Variants in EDEM1 observed in about 807,000 individuals in gnomAD.
EDEM1 encodes ER degradation-enhancing alpha-mannosidase-like protein 1.
In EDEM1, 67 loss-of-function variants were observed where a neutral mutation model predicts 74.4. That is an observed-to-expected ratio of 0.90 (90% CI 0.74 to 1.10). The LOEUF (loss-of-function observed/expected upper bound fraction) is 1.10. Among genes scored for constraint, EDEM1 ranks in the 50% least tolerant of loss-of-function variants. EDEM1 has a pLI of 0.00. For missense variants in EDEM1, 926 were observed against 851.6 expected (o/e 1.09, Z -1.09); for synonymous variants, 382 against 335.9 (o/e 1.14, Z -1.50).
intron 1 of EDEM1, chr3:5,189,277 A>G (rs962171951): frequency 6.6e-6 from 1 of 152,140 alleles, no homozygotes; most frequent in African/African-American, 2.4e-5. Context: ...TGGGGCAAGC[A>G]TTTTCCTTCA....
In EDEM1 at chr3:5,219,775, A is replaced by G. The variant is rs2106616821; in HGVS notation, c.*3857A>G. On this transcript the variant is annotated 3_prime_UTR_variant, in exon 12 of 12. Transcript: ENST00000256497. The stretch of plus-strand genomic sequence containing the variant: ...CAAATGCTTCTCTGTAATGTGCAAT[A>G]TGCTTTGCAACTGTAGATGATATTT... 6.5e-6 allele frequency: 1 copy of G among 152,796 alleles called. No homozygotes were observed. Among genetic ancestry groups the G allele is most frequent in the South Asian group, 2.1e-4 (1 of 4,832 alleles). 9.5% of individuals were successfully genotyped at this position (152,796 alleles called of 1,614,324 possible). A position where few individuals can be genotyped will look rare whatever the true frequency, so the allele number is the denominator to read the frequency against.
intron 2 of EDEM1, among the ~76,000 whole-genome samples, chr3:5,198,147 A>G (rs914024336): frequency 6.6e-6 from 1 of 152,024 alleles, no homozygotes; most frequent in African/African-American, 2.4e-5. Flanking sequence ...CCAGGGGTTC[A>G]AGCAGTTCTT....
At position 5,194,686 on chromosome 3, in the gene EDEM1, A is replaced by C. The variant is rs538243215; in HGVS notation, c.510-523A>C. ...CCTTTGGATGAGTTATTAATGAAGA[A>C]ATGGTGTAAAGAAGTTAATTTATAC... is the stretch of plus-strand genomic sequence containing the variant. On this transcript the variant is annotated intron_variant, in intron 1 of 11. Coordinates refer to ENST00000256497, the MANE Select transcript of EDEM1 (RefSeq NM_014674.3). Among the ~76,000 whole-genome samples the C allele has an allele frequency of 3.9e-5, 6 of 152,336 alleles. No homozygotes were observed. The East Asian group carries it at 1.2e-3, about 29-fold the overall frequency.
intron 1 of EDEM1, among the ~76,000 whole-genome samples, chr3:5,194,779 A>G (rs150853621): frequency 6.6e-6 from 1 of 152,350 alleles, no homozygotes; most frequent in East Asian, 1.9e-4. Flanking sequence ...TTTTGTGTGT[A>G]ATATAGGCTG....
Position 5,195,527 on chromosome 3 carries a change from A to AT in EDEM1, c.582+255dup, listed in dbSNP as rs200647749. ...ATGTACGATTGATTTTAGGGAACCT[A>AT]TTTTTTTTTAACCAGTTTCTATCTT... On this transcript the variant is annotated intron_variant, in intron 2 of 11. Coordinates refer to ENST00000256497, the MANE Select transcript of EDEM1 (RefSeq NM_014674.3). Among the ~76,000 whole-genome samples, 213 of 151,650 alleles carry AT rather than the reference A, an allele frequency of 1.4e-3. 1 individual carries two copies. The highest frequency in any genetic ancestry group is 4.9e-3 in the African/African-American group (202 of 41,378).
intron 11 of EDEM1, 22 bp from the exon 12 acceptor site, chr3:5,215,807 T>C (rs756475326): frequency 5.0e-6 from 8 of 1,605,128 alleles, no homozygotes; most frequent in South Asian, 4.4e-5. Flanking sequence ...TTTTTAATTT[T>C]CCCTCGTTTT....
At chr3:5,195,725 TCCCTAGAAA>T in intron 2 of EDEM1, among the ~76,000 whole-genome samples, 1 of 152,340 alleles carries the variant, frequency 6.6e-6, no homozygotes, top group African/African-American at 2.4e-5. Flanking sequence ...TATGTGGGGC[TCCCTAGAAA>T]CCCTTCTCTT....
chr3:5,190,451 C>T (rs1340143099), intron 1 of EDEM1, among the ~76,000 whole-genome samples: 7 of 152,148 alleles, frequency 4.6e-5, no homozygotes, highest in Non-Finnish European at 1.5e-5. Flanking sequence ...ACCTTAAAAG[C>T]GCTTCTGGAG....
chr3:5,205,596 G>A (rs2055086554), intron 6 of EDEM1, among the ~76,000 whole-genome samples: 1 of 152,208 alleles, frequency 6.6e-6, no homozygotes, highest in African/African-American at 2.4e-5. Flanking sequence ...AATGGTGCTG[G>A]GAGATCCCCT....
At chr3:5,210,321 C>T in intron 9 of EDEM1, 73 bp downstream of exon 9, 2 of 1,387,018 alleles carry the variant, frequency 1.4e-6, no homozygotes, top group South Asian at 2.4e-5. Context: ...GGGGAAATAT[C>T]CTAGTTTGCA....
At chr3:5,206,826 C>T (rs1275659718) in intron 6 of EDEM1, among the ~76,000 whole-genome samples, 4 of 152,178 alleles carry the variant, frequency 2.6e-5, no homozygotes, top group African/African-American at 4.8e-5. Context: ...AGGTGAAATC[C>T]AGCATAGGCC....
chr3:5,207,990 CTAA>C, intron 7 of EDEM1, 100 bp from the exon 8 acceptor site: 1 of 1,389,624 alleles, frequency 7.2e-7, no homozygotes, highest in Admixed American at 2.5e-5. Context: ...TGTAGGTCAA[CTAA>C]GAACTCGGGG....
In EDEM1 at chr3:5,218,844, C is replaced by CATTTTTTTAA. The variant is rs914698044; in HGVS notation, c.*2935_*2944dup. On this transcript the variant is annotated 3_prime_UTR_variant, in exon 12 of 12. Transcript: ENST00000256497. ...AGCTTCTGTATTCAAATCTTTCCTT[C>CATTTTTTTAA]ATTTTTTTAAATTTTTTTTTTGGCA... 7 of 152,168 alleles carry CATTTTTTTAA rather than the reference C, an allele frequency of 4.6e-5. No individual in the cohort carries two copies. The highest frequency in any genetic ancestry group is 1.7e-4 in the African/African-American group (7 of 41,438). 9.4% of individuals were successfully genotyped at this position (152,168 alleles called of 1,614,324 possible).
At chr3:5,196,935 CT>C (rs547304238) in intron 2 of EDEM1, among the ~76,000 whole-genome samples, 291 of 138,298 alleles carry the variant, frequency 2.1e-3, no homozygotes, top group Non-Finnish European at 2.1e-3. Flanking sequence ...CTTTTCTTTT[CT>C]TTTTTTTTTT....
chr3:5,208,344 A>T, intron 8 of EDEM1, 81 bp downstream of exon 8: 1 of 1,518,092 alleles, frequency 6.6e-7, no homozygotes, highest in Non-Finnish European at 8.9e-7. Flanking sequence ...ACATTTGCTG[A>T]GTGATTTAGG....
In EDEM1 at chr3:5,201,757, C is replaced by G; in HGVS notation, c.691C>G (p.Leu231Val). Residue 231 changes from leucine (L) to valine (V), a missense_variant, in exon 4 of 12, where the codon CTG becomes GTG. Transcript: ENST00000256497. ...VQVFEATIRV[L>V]GSLLSAHRII... is the part of the protein sequence containing the mutation. ...TTTTGTTCTTCCTGTCATTAGGGTC[C>G]TGGGAAGCCTCCTTTCTGCTCACAG... 1 of 1,614,084 alleles carries G rather than the reference C, an allele frequency of 6.2e-7. No homozygotes were observed. Among genetic ancestry groups the G allele is most frequent in the Non-Finnish European group, 8.5e-7 (1 of 1,180,018 alleles).
intron 6 of EDEM1, 133 bp downstream of exon 6, chr3:5,205,374 T>G (rs1245609773): frequency 2.2e-6 from 2 of 897,760 alleles, no homozygotes; most frequent in East Asian, 2.6e-5. Context: ...TCTCCTAGTT[T>G]GTCAGTCATC....
At chr3:5,207,389 A>G in intron 7 of EDEM1, 116 bp downstream of exon 7, 1 of 1,420,188 alleles carries the variant, frequency 7.0e-7, no homozygotes, top group Non-Finnish European at 9.5e-7. Flanking sequence ...TTGGGAGGTC[A>G]CTGACACTAT....
intron 1 of EDEM1, 153 bp downstream of exon 1, chr3:5,188,467 C>T (rs1189787172): frequency 3.6e-6 from 3 of 841,592 alleles, no homozygotes; most frequent in Non-Finnish European, 4.8e-6. Context: ...GTGTGAGTCC[C>T]TGTGAAGACC....
Sources: gnomAD v4.1 joint callset for allele counts (sites outside exome capture counted in the v4.1 genomes callset) on GRCh38, gnomAD v4.1.1 for gene constraint, MANE v1.5 for transcripts, NCBI Gene and HGNC (gene_info 2026-07-23, HGNC 2026-07-21) for gene names.